Variants in RNLS observed in about 807,000 individuals in gnomAD.
RNLS encodes the protein renalase.
In RNLS, 39 loss-of-function variants were observed where a neutral mutation model predicts 39.8. That is an observed-to-expected ratio of 0.98 (90% CI 0.76 to 1.28). The LOEUF is 1.28. Among genes scored for constraint, RNLS ranks in the 50% most tolerant of loss-of-function variants. The pLI is 0.00. For missense variants in RNLS, 410 were observed against 413.3 expected, an observed-to-expected ratio of 0.99 and a Z score of 0.07; for synonymous variants, 147 against 150.7, an observed-to-expected ratio of 0.98 and a Z score of 0.18.
Position 88,362,699 on chromosome 10 carries a change from G to A in RNLS, c.553C>T (p.Leu185=). Residue 185 remains leucine (L), a synonymous_variant, in exon 5 of 7, where the codon CTG becomes TTG. Transcript: ENST00000331772. ...CGAGAGGAGTAGCTCACAGCCTCCA[G>A]TTGCTGCCTTTGGCATTCACTAATT... is the stretch of plus-strand genomic sequence containing the variant. ...TLISECQRQQ[L]EAVSYSSRYA... 6.2e-7 allele frequency: 1 copy of A among 1,613,584 alleles called. No individual in the cohort carries two copies. Among genetic ancestry groups the A allele is most frequent in the Non-Finnish European group, 8.5e-7 (1 of 1,179,810 alleles).
the RNLS span, among the ~76,000 whole-genome samples, chr10:88,199,653 A>G: frequency 6.6e-6 from 1 of 152,162 alleles, no homozygotes; most frequent in African/African-American, 2.4e-5. Context: ...AGAGAAAAGC[A>G]AGAACCAGAG....
At chr10:88,267,012 T>C in the RNLS span, among the ~76,000 whole-genome samples, 1 of 152,180 alleles carries the variant, frequency 6.6e-6, no homozygotes, top group Non-Finnish European at 1.5e-5. Flanking sequence ...CCTCCTTCCC[T>C]CCTTCTTTGT....
chr10:88,229,732 A>G, the RNLS span, among the ~76,000 whole-genome samples: 1 of 152,178 alleles, frequency 6.6e-6, no homozygotes, highest in Non-Finnish European at 1.5e-5. Context: ...GGATTTATCT[A>G]TTCTGAACAG....
the RNLS span, among the ~76,000 whole-genome samples, chr10:88,263,215 G>A: frequency 2.0e-5 from 3 of 152,074 alleles, no homozygotes; most frequent in African/African-American, 4.8e-5. Context: ...GAGGCAAGGG[G>A]AAGTGAAATT....
At chr10:88,377,948 C>CTTA (rs1214914109) in intron 4 of RNLS, among the ~76,000 whole-genome samples, 2 of 151,698 alleles carry the variant, frequency 1.3e-5, no homozygotes, top group African/African-American at 2.4e-5. Context: ...TCTTTATATC[C>CTTA]TTATTTTATA....
At chr10:88,328,037 G>A (rs765174696) in intron 5 of RNLS, among the ~76,000 whole-genome samples, 1 of 151,990 alleles carries the variant, frequency 6.6e-6, no homozygotes, top group Non-Finnish European at 1.5e-5. Flanking sequence ...CATCCTGAGT[G>A]GCTGAGACTA....
At chr10:88,558,817 T>C (rs1185080821) in intron 4 of RNLS, among the ~76,000 whole-genome samples, 1 of 152,158 alleles carries the variant, frequency 6.6e-6, no homozygotes, top group African/African-American at 2.4e-5. Flanking sequence ...GGTGACAATA[T>C]TTAATTAATA....
the RNLS span, among the ~76,000 whole-genome samples, chr10:88,182,936 A>T: frequency 2.0e-5 from 3 of 152,096 alleles, no homozygotes; most frequent in African/African-American, 7.2e-5. Context: ...TGACTCCTAC[A>T]TGCCCGGCAC....
At chr10:88,371,621 A>G (rs937387359) in intron 4 of RNLS, among the ~76,000 whole-genome samples, 2 of 152,102 alleles carry the variant, frequency 1.3e-5, no homozygotes, top group Non-Finnish European at 2.9e-5. Context: ...TTGGATCATT[A>G]CTCTAGCATT....
intron 5 of RNLS, among the ~76,000 whole-genome samples, chr10:88,357,088 C>A (rs1849248207): frequency 6.6e-6 from 1 of 152,186 alleles, no homozygotes; most frequent in Non-Finnish European, 1.5e-5. Context: ...ACTATAATAT[C>A]CAAATTGAAG....
At chr10:88,236,611 T>TA in the RNLS span, among the ~76,000 whole-genome samples, 1 of 152,250 alleles carries the variant, frequency 6.6e-6, no homozygotes, top group African/African-American at 2.4e-5. Flanking sequence ...ACAATTCATT[T>TA]AGTCTATTCA....
At chr10:88,465,104 A>G (rs1421216081) in intron 4 of RNLS, among the ~76,000 whole-genome samples, 3 of 152,104 alleles carry the variant, frequency 2.0e-5, no homozygotes, top group Non-Finnish European at 2.9e-5. Context: ...CATTTCGAAG[A>G]GTGCCTCCTA....
the RNLS span, among the ~76,000 whole-genome samples, chr10:88,245,956 G>A: frequency 2.0e-5 from 3 of 152,160 alleles, no homozygotes; most frequent in Non-Finnish European, 4.4e-5. Flanking sequence ...ATTTCACTGA[G>A]CCTGTAGCAC....
At chr10:88,370,172 A>G (rs927615881) in intron 4 of RNLS, among the ~76,000 whole-genome samples, 1 of 152,174 alleles carries the variant, frequency 6.6e-6, no homozygotes, top group African/African-American at 2.4e-5. Context: ...CCATGGGCCC[A>G]GGAGTATGGT....
intron 4 of RNLS, among the ~76,000 whole-genome samples, chr10:88,557,004 T>G (rs2134365025): frequency 6.6e-6 from 1 of 152,200 alleles, no homozygotes; most frequent in East Asian, 1.9e-4. Context: ...GTACCCAGGG[T>G]GTCTAGAACA....
intron 4 of RNLS, among the ~76,000 whole-genome samples, chr10:88,441,488 A>G (rs1475248744): frequency 6.6e-6 from 1 of 152,228 alleles, no homozygotes; most frequent in Non-Finnish European, 1.5e-5. Flanking sequence ...AAAGTCTCCT[A>G]GCATATCTGC....
chr10:88,382,371 C>T (rs1354383722), intron 4 of RNLS, among the ~76,000 whole-genome samples: 1 of 152,056 alleles, frequency 6.6e-6, no homozygotes, highest in African/African-American at 2.4e-5. Context: ...AAACACTCAT[C>T]ACATTATTCT....
intron 4 of RNLS, among the ~76,000 whole-genome samples, chr10:88,400,496 C>T (rs571639794): frequency 6.6e-6 from 1 of 152,112 alleles, no homozygotes; most frequent in South Asian, 2.1e-4. Flanking sequence ...AATCACCTCT[C>T]TGTGAGTACT....
chr10:88,496,201 T>C (rs555672967), intron 4 of RNLS, among the ~76,000 whole-genome samples: 1 of 152,050 alleles, frequency 6.6e-6, no homozygotes, highest in African/African-American at 2.4e-5. Flanking sequence ...ACAGACAGAG[T>C]GGTTATAGAC....
Sources: allele counts gnomAD v4.1 joint callset (sites outside exome capture counted in the v4.1 genomes callset), GRCh38; gene constraint gnomAD v4.1.1; transcripts MANE v1.5; gene names NCBI Gene and HGNC (gene_info 2026-07-23, HGNC 2026-07-21).